The following FARS2 variants were observed in gnomAD, a reference collection of about 807,000 sequenced individuals.
The protein encoded by FARS2 is phenylalanine--tRNA ligase, mitochondrial.
FARS2 carries 40 observed loss-of-function variants against 46.4 expected under a neutral mutation model. The ratio of observed to expected loss-of-function variants is 0.86; its 90% CI spans 0.67 to 1.12. FARS2 has a LOEUF of 1.12. Among genes scored for constraint, FARS2 ranks in the 50% most tolerant of loss-of-function variants. FARS2 has a pLI of 0.00. For missense variants in FARS2, 513 were observed against 567.9 expected, an observed-to-expected ratio of 0.90 and a Z score of 0.98; for synonymous variants, 234 against 214.9, an observed-to-expected ratio of 1.09 and a Z score of -0.78.
chr6:5,368,508 GA>G (rs1758821708), intron 1 of FARS2, 41 bp from the exon 2 acceptor site: 1 of 1,532,138 alleles, frequency 6.5e-7, no homozygotes, highest in African/African-American at 1.4e-5. Flanking sequence ...GCTTTCCACA[GA>G]GTGACACCTG....
At chr6:5,470,139 C>T (rs1765731547) in intron 4 of FARS2, among the ~76,000 whole-genome samples, 1 of 152,140 alleles carries the variant, frequency 6.6e-6, no homozygotes, top group Non-Finnish European at 1.5e-5. Context: ...GATAAAGAAG[C>T]AGAATTTCTT....
chr6:5,491,996 A>C (rs1767144477), intron 4 of FARS2, among the ~76,000 whole-genome samples: 1 of 152,160 alleles, frequency 6.6e-6, no homozygotes, highest in African/African-American at 2.4e-5. Context: ...TTCAGTAACC[A>C]AACTTCTTGA....
At chr6:5,423,851 AG>A (rs1762700504) in intron 3 of FARS2, among the ~76,000 whole-genome samples, 1 of 152,174 alleles carries the variant, frequency 6.6e-6, no homozygotes, top group African/African-American at 2.4e-5. Context: ...GGCCCTAGAT[AG>A]GGATGAAGTG....
At chr6:5,391,813 C>T (rs1429265731) in intron 2 of FARS2, among the ~76,000 whole-genome samples, 1 of 152,070 alleles carries the variant, frequency 6.6e-6, no homozygotes, top group Non-Finnish European at 1.5e-5. Context: ...ATTTAATTGG[C>T]TTTTGCAATC....
At position 5,405,480 on chromosome 6, in the gene FARS2, C is replaced by CTTTTTTTTTTTTTT. The variant is rs398000284; in HGVS notation, c.772+791_772+804dup. On this transcript the variant is annotated intron_variant, in intron 3 of 6. Transcript: ENST00000274680. ...AGGACGTGATCAGTGGAGCAAGGTT[C>CTTTTTTTTTTTTTT]TTTTTTTTTTTTTTTTTTTTTTTTT... 9.0e-3 allele frequency among the ~76,000 whole-genome samples: 530 copies of CTTTTTTTTTTTTTT among 58,952 alleles called. 77 individuals are homozygous for CTTTTTTTTTTTTTT. Among genetic ancestry groups the CTTTTTTTTTTTTTT allele is most frequent in the Non-Finnish European group, 0.01 (325 of 32,158 alleles). 38.7% of individuals were successfully genotyped at this position (58,952 alleles called of 152,430 possible).
At position 5,627,121 on chromosome 6, in the gene FARS2, G is replaced by A. The variant is rs1333691572; in HGVS notation, c.1217+13801G>A. Among the ~76,000 whole-genome samples the A allele has an allele frequency of 3.3e-5, 5 of 152,346 alleles. No individual in the cohort carries two copies. The East Asian group carries it at 9.6e-4, about 29-fold the overall frequency. ...TACACTGATGATAATGTCACTGGGTGATAGGTAGCTTTCAGCTCCACTATA... is the reference window on the plus strand; with the variant it reads ...TACACTGATGATAATGTCACTGGGTAATAGGTAGCTTTCAGCTCCACTATA... On this transcript the variant is annotated intron_variant, in intron 6 of 6. Transcript: ENST00000274680.
At chr6:5,457,324 C>T (rs577883383) in intron 4 of FARS2, among the ~76,000 whole-genome samples, 2 of 152,318 alleles carry the variant, frequency 1.3e-5, no homozygotes, top group East Asian at 1.9e-4. Flanking sequence ...CCCTGTCACC[C>T]AATTCTCGGC....
intron 4 of FARS2, among the ~76,000 whole-genome samples, chr6:5,487,041 A>G (rs1019702859): frequency 7.9e-5 from 12 of 151,986 alleles, no homozygotes; most frequent in Admixed American, 3.3e-4. Flanking sequence ...TTGGCTGCTC[A>G]TGTCCAGGGG....
intron 5 of FARS2, among the ~76,000 whole-genome samples, chr6:5,579,346 C>T (rs1185441092): frequency 3.3e-5 from 5 of 152,182 alleles, no homozygotes; most frequent in South Asian, 4.1e-4. Context: ...CTACAACCTC[C>T]GCCTCCTGGG....
At chr6:5,615,269 G>A (rs1333036759) in intron 6 of FARS2, among the ~76,000 whole-genome samples, 3 of 152,090 alleles carry the variant, frequency 2.0e-5, no homozygotes, top group South Asian at 4.1e-4. Flanking sequence ...TCTGACTTCT[G>A]TACCTATTAT....
intron 6 of FARS2, among the ~76,000 whole-genome samples, chr6:5,760,983 A>G (rs1243914434): frequency 6.6e-6 from 1 of 152,218 alleles, no homozygotes; most frequent in Non-Finnish European, 1.5e-5. Flanking sequence ...CTATTGGGCC[A>G]TTTGTACCTG....
chr6:5,249,987 A>T, the FARS2 span, among the ~76,000 whole-genome samples: 9 of 152,236 alleles, frequency 5.9e-5, no homozygotes, highest in South Asian at 2.1e-4. Context: ...TAGCCATTTC[A>T]AACAGAATGT....
At chr6:5,694,448 A>G (rs183283257) in intron 6 of FARS2, among the ~76,000 whole-genome samples, 9 of 152,338 alleles carry the variant, frequency 5.9e-5, no homozygotes, top group Admixed American at 3.9e-4. Context: ...AGATTCCTTC[A>G]TATAAGAATT....
At chr6:5,255,228 A>T in the FARS2 span, among the ~76,000 whole-genome samples, 1 of 152,168 alleles carries the variant, frequency 6.6e-6, no homozygotes, top group Non-Finnish European at 1.5e-5. Flanking sequence ...CAGGAAAACT[A>T]TTTTCATAGT....
intron 5 of FARS2, among the ~76,000 whole-genome samples, chr6:5,610,752 T>A (rs1225898563): frequency 6.6e-6 from 1 of 152,220 alleles, no homozygotes; most frequent in African/African-American, 2.4e-5. Flanking sequence ...AAGGTCCCTT[T>A]GGATTCTAAA....
intron 1 of FARS2, among the ~76,000 whole-genome samples, chr6:5,294,178 T>A (rs918446945): frequency 6.6e-6 from 1 of 152,206 alleles, no homozygotes; most frequent in Non-Finnish European, 1.5e-5. Context: ...AGCCACTTAT[T>A]GTATTTGGGG....
chr6:5,539,131 G>A (rs1770405658), intron 4 of FARS2, among the ~76,000 whole-genome samples: 1 of 151,962 alleles, frequency 6.6e-6, no homozygotes, highest in Non-Finnish European at 1.5e-5. Context: ...CATATCCCCA[G>A]CACAACCATC....
chr6:5,321,575 G>C (rs1769977001), intron 1 of FARS2, among the ~76,000 whole-genome samples: 1 of 151,316 alleles, frequency 6.6e-6, no homozygotes, highest in African/African-American at 2.4e-5. Context: ...AGAGTGTTCA[G>C]ACAGGGATAT....
At chr6:5,762,173 A>G (rs1319087228) in intron 6 of FARS2, among the ~76,000 whole-genome samples, 1 of 152,252 alleles carries the variant, frequency 6.6e-6, no homozygotes, top group Non-Finnish European at 1.5e-5. Context: ...AGAGGTGGAT[A>G]ACCTTCAGCT....
Sources: allele counts gnomAD v4.1 joint callset (sites outside exome capture counted in the v4.1 genomes callset), GRCh38; gene constraint gnomAD v4.1.1; transcripts MANE v1.5; gene names NCBI Gene and HGNC (gene_info 2026-07-23, HGNC 2026-07-21).